Variants in PICALM observed in about 807,000 individuals in gnomAD.
PICALM encodes the protein phosphatidylinositol-binding clathrin assembly protein.
In PICALM, 40 loss-of-function variants were observed where a neutral mutation model predicts 80.5. The observed-to-expected ratio is 0.50, with a 90% CI of 0.39 to 0.65. The LOEUF (loss-of-function observed/expected upper bound fraction) is 0.65. PICALM is among the 30% of genes least tolerant of loss of function. The pLI, the probability that PICALM is intolerant of heterozygous loss-of-function variation, is 0.00. For synonymous variants in PICALM, 288 were observed against 260.3 expected, an observed-to-expected ratio of 1.11 and a Z score of -1.02; for missense variants, 676 against 778.9, an observed-to-expected ratio of 0.87 and a Z score of 1.57.
At chr11:85,984,342 G>GT (rs1203037527) in intron 13 of PICALM, among the ~76,000 whole-genome samples, 2 of 152,168 alleles carry the variant, frequency 1.3e-5, no homozygotes, top group African/African-American at 4.8e-5. Context: ...TGAGAATGCA[G>GT]TAAGAATTCT....
At chr11:86,030,039 G>C (rs1593113508) in intron 2 of PICALM, among the ~76,000 whole-genome samples, 1 of 152,138 alleles carries the variant, frequency 6.6e-6, no homozygotes, top group Non-Finnish European at 1.5e-5. Flanking sequence ...CGATGAATCA[G>C]AAAACTCAAT....
At chr11:85,977,341 C>T (rs183687456) in intron 17 of PICALM, among the ~76,000 whole-genome samples, 60 of 152,294 alleles carry the variant, frequency 3.9e-4, no homozygotes, top group Admixed American at 7.8e-4. Flanking sequence ...TTTAAAAGAA[C>T]CATCTATCAC....
At chr11:85,976,864 C>A in intron 17 of PICALM, 182 bp from the exon 18 acceptor site, 1 of 505,600 alleles carries the variant, frequency 2.0e-6, no homozygotes, top group South Asian at 2.7e-5. Flanking sequence ...TTGAAATTAG[C>A]AGAAAAGCAG....
At chr11:86,054,532 A>T (rs1010803757) in intron 1 of PICALM, among the ~76,000 whole-genome samples, 3 of 152,072 alleles carry the variant, frequency 2.0e-5, no homozygotes, top group Admixed American at 6.6e-5. Context: ...AACACACCAT[A>T]AAGCGCTTTT....
intron 1 of PICALM, among the ~76,000 whole-genome samples, chr11:86,047,743 T>C (rs1184441713): frequency 6.6e-6 from 1 of 152,082 alleles, no homozygotes; most frequent in Non-Finnish European, 1.5e-5. Context: ...CAAAGAAAAA[T>C]CAATTCTAGA....
At chr11:85,974,329 C>T in intron 19 of PICALM, 1 of 272,902 alleles carries the variant, frequency 3.7e-6, no homozygotes, top group Non-Finnish European at 7.7e-6. Context: ...GGCCAACACG[C>T]CCTGCTGTAG....
At chr11:86,023,335 T>C (rs1278522810) in intron 3 of PICALM, 7 of 341,826 alleles carry the variant, frequency 2.0e-5, no homozygotes, top group African/African-American at 6.7e-5. Context: ...AAAATATTTA[T>C]TGAGTGCCTA....
chr11:86,034,968 T>C (rs2095815462), intron 1 of PICALM, among the ~76,000 whole-genome samples: 1 of 152,184 alleles, frequency 6.6e-6, no homozygotes, highest in South Asian at 2.1e-4. Flanking sequence ...TGACTAGAAT[T>C]AAATTTTTGC....
chr11:86,060,680 T>C (rs2096345706), intron 1 of PICALM, among the ~76,000 whole-genome samples: 1 of 149,740 alleles, frequency 6.7e-6, no homozygotes, highest in South Asian at 2.1e-4. Context: ...GGCAATACAA[T>C]GCAGCAAAGA....
At chr11:85,968,481 G>C (rs1041663674) in intron 19 of PICALM, among the ~76,000 whole-genome samples, 1 of 152,064 alleles carries the variant, frequency 6.6e-6, no homozygotes, top group Non-Finnish European at 1.5e-5. Flanking sequence ...CACCCCCAAA[G>C]AGCTTCAAAA....
intron 19 of PICALM, among the ~76,000 whole-genome samples, chr11:85,973,176 A>C (rs1394541442): frequency 6.6e-6 from 1 of 152,188 alleles, no homozygotes; most frequent in Non-Finnish European, 1.5e-5. Flanking sequence ...TAAATGTATT[A>C]ATTGCAACCA....
At chr11:86,021,992 C>G (rs2095572112) in intron 4 of PICALM, among the ~76,000 whole-genome samples, 1 of 152,084 alleles carries the variant, frequency 6.6e-6, no homozygotes, top group Admixed American at 6.5e-5. Flanking sequence ...AAAGTAGATT[C>G]ATGGTTGCCA....
intron 8 of PICALM, among the ~76,000 whole-genome samples, chr11:86,004,221 A>G (rs893210921): frequency 3.9e-5 from 6 of 152,240 alleles, no homozygotes; most frequent in African/African-American, 1.4e-4. Flanking sequence ...ATTGTGGTAA[A>G]TATTATTCAG....
At chr11:86,057,233 C>G (rs1267743815) in intron 1 of PICALM, among the ~76,000 whole-genome samples, 3 of 151,530 alleles carry the variant, frequency 2.0e-5, no homozygotes, top group Non-Finnish European at 4.4e-5. Context: ...TAAATAATTG[C>G]AAAAAAGAAA....
intron 1 of PICALM, among the ~76,000 whole-genome samples, chr11:86,047,024 A>G (rs2096083889): frequency 6.6e-6 from 1 of 152,236 alleles, no homozygotes; most frequent in African/African-American, 2.4e-5. Flanking sequence ...GGAATGCTCT[A>G]TTATAATATC....
At chr11:86,024,519 T>C (rs1231365320) in intron 3 of PICALM, among the ~76,000 whole-genome samples, 2 of 151,010 alleles carry the variant, frequency 1.3e-5, no homozygotes, top group Admixed American at 6.6e-5. Context: ...CCAGAACAAC[T>C]GAAACAGTCT....
chr11:85,993,262 T>G (rs974641609), intron 12 of PICALM, among the ~76,000 whole-genome samples: 3 of 151,998 alleles, frequency 2.0e-5, no homozygotes, highest in Non-Finnish European at 2.9e-5. Flanking sequence ...ATTTTCCGAT[T>G]TTTTTGTAGA....
intron 19 of PICALM, among the ~76,000 whole-genome samples, chr11:85,966,114 C>T (rs552959821): frequency 2.6e-5 from 4 of 152,244 alleles, no homozygotes; most frequent in African/African-American, 9.6e-5. Flanking sequence ...CCACCGCACC[C>T]GGCCCGCATT....
chr11:86,029,611 C>A (rs755270145), intron 2 of PICALM, among the ~76,000 whole-genome samples: 2 of 152,116 alleles, frequency 1.3e-5, no homozygotes, highest in Non-Finnish European at 2.9e-5. Context: ...TATCAATTAC[C>A]TTATTTACAG....
Sources: allele counts gnomAD v4.1 joint callset (sites outside exome capture counted in the v4.1 genomes callset), GRCh38; gene constraint gnomAD v4.1.1; transcripts MANE v1.5; gene names NCBI Gene and HGNC (gene_info 2026-07-23, HGNC 2026-07-21).